CHST11: variants seen among roughly 807,000 people sequenced by gnomAD.
CHST11 encodes the protein carbohydrate sulfotransferase 11.
CHST11 carries 9 observed loss-of-function variants against 30.4 expected under a neutral mutation model. The ratio of observed to expected loss-of-function variants is 0.30; its 90% CI spans 0.18 to 0.52. The LOEUF (loss-of-function observed/expected upper bound fraction) is 0.52, where lower values mean the gene tolerates loss of function less well. Among genes scored for constraint, CHST11 ranks in the 20% least tolerant of loss-of-function variants. The probability of loss-of-function intolerance (pLI) is 0.97; values close to 1 mark genes in which losing one functional copy is unlikely to be tolerated. For missense variants in CHST11, 348 were observed against 460.6 expected (o/e 0.76, Z 2.24); for synonymous variants, 152 against 187.8 (o/e 0.81, Z 1.56).
chr12:104,637,862 A>C (rs1442738329), intron 2 of CHST11, among the ~76,000 whole-genome samples: 1 of 150,228 alleles, frequency 6.7e-6, no homozygotes, highest in African/African-American at 2.5e-5. Flanking sequence ...CCTTTGCCGC[A>C]CCCCCCCACC....
chr12:104,749,522 C>T (rs2040413916), intron 2 of CHST11, among the ~76,000 whole-genome samples: 1 of 152,192 alleles, frequency 6.6e-6, no homozygotes, highest in African/African-American at 2.4e-5. Context: ...GATCTCACAG[C>T]TCAGATAATT....
intron 1 of CHST11, among the ~76,000 whole-genome samples, chr12:104,487,789 A>T (rs1485067144): frequency 6.6e-6 from 1 of 151,816 alleles, no homozygotes; most frequent in Non-Finnish European, 1.5e-5. Context: ...GTATCATTTA[A>T]TTATTTGTAT....
intron 2 of CHST11, among the ~76,000 whole-genome samples, chr12:104,710,791 C>T (rs1293429287): frequency 1.3e-5 from 2 of 152,236 alleles, no homozygotes; most frequent in Non-Finnish European, 2.9e-5. Flanking sequence ...TCCCAGGCTT[C>T]TCCCATAGGT....
rs2038246105 is a variant in CHST11, at chr12:104,537,323, G to A, written c.119-64583G>A. Among the ~76,000 whole-genome samples the A allele has an allele frequency of 2.0e-5, 3 of 152,182 alleles. No homozygotes were observed. The South Asian group carries it at 6.2e-4, about 32-fold the overall frequency. ...GCTATCCATAGAAACAGCTGACCAG[G>A]CAGGTGCCCAGCATTGAATTAGCAT... On this transcript the variant is annotated intron_variant, in intron 1 of 2. Coordinates refer to ENST00000303694, the MANE Select transcript of CHST11 (RefSeq NM_018413.6).
rs1006980824 is a variant in CHST11 at position 104,709,072 on chromosome 12, G to A, written c.205-47877G>A. On this transcript the variant is annotated intron_variant, in intron 2 of 2. Transcript: ENST00000303694. ...GAGGAGGAGCAAAGCACCAAGACCCGGTTTCGGCTTTACATTTGCCTTCAG... is the reference window on the plus strand; with the variant it reads ...GAGGAGGAGCAAAGCACCAAGACCCAGTTTCGGCTTTACATTTGCCTTCAG... Among the ~76,000 whole-genome samples the A allele has an allele frequency of 9.8e-5, 15 of 152,292 alleles. No homozygotes were observed. The Middle Eastern group carries it at 0.014, about 138-fold the overall frequency.
At chr12:104,673,283 A>T (rs1252147944) in intron 2 of CHST11, among the ~76,000 whole-genome samples, 1 of 152,146 alleles carries the variant, frequency 6.6e-6, no homozygotes, top group Non-Finnish European at 1.5e-5. Flanking sequence ...TTGGATGTGG[A>T]CCTATCTTTT....
chr12:104,641,693 G>T (rs1331216280), intron 2 of CHST11, among the ~76,000 whole-genome samples: 1 of 152,168 alleles, frequency 6.6e-6, no homozygotes, highest in East Asian at 1.9e-4. Context: ...GCTCAAAAAA[G>T]AGAATCTATT....
At chr12:104,677,067 G>A (rs775261711) in intron 2 of CHST11, among the ~76,000 whole-genome samples, 12 of 152,152 alleles carry the variant, frequency 7.9e-5, no homozygotes, top group Non-Finnish European at 1.5e-4. Flanking sequence ...CTCATCTGAA[G>A]AATAGAGTTT....
chr12:104,606,040 T>G (rs1181146658), intron 2 of CHST11, among the ~76,000 whole-genome samples: 2 of 152,028 alleles, frequency 1.3e-5, no homozygotes, highest in South Asian at 2.1e-4. Context: ...CACAGGGCTG[T>G]CCGTGAATTT....
At chr12:104,651,002 A>T (rs1483840228) in intron 2 of CHST11, among the ~76,000 whole-genome samples, 1 of 152,224 alleles carries the variant, frequency 6.6e-6, no homozygotes, top group Non-Finnish European at 1.5e-5. Flanking sequence ...AGAGCTTAGC[A>T]CATAGTATTT....
At chr12:104,740,407 T>G (rs1035286943) in intron 2 of CHST11, among the ~76,000 whole-genome samples, 1 of 152,174 alleles carries the variant, frequency 6.6e-6, no homozygotes, top group Non-Finnish European at 1.5e-5. Flanking sequence ...TGCCCTGGAA[T>G]CCATCCCTGC....
intron 1 of CHST11, among the ~76,000 whole-genome samples, chr12:104,484,641 G>T (rs578183137): frequency 6.6e-6 from 1 of 152,306 alleles, no homozygotes; most frequent in South Asian, 2.1e-4. Flanking sequence ...CATTGTAAGT[G>T]GTCAGTGATA....
intron 2 of CHST11, among the ~76,000 whole-genome samples, chr12:104,608,021 T>TG (rs2136051308): frequency 6.6e-6 from 1 of 152,264 alleles, no homozygotes; most frequent in South Asian, 2.1e-4. Flanking sequence ...AGGACCACTC[T>TG]GGGAGCTTTT....
intron 1 of CHST11, among the ~76,000 whole-genome samples, chr12:104,588,020 C>A (rs2038822975): frequency 6.6e-6 from 1 of 151,554 alleles, no homozygotes; most frequent in South Asian, 2.1e-4. Context: ...TTCAAAGAGG[C>A]CAAAATCTTG....
intron 1 of CHST11, among the ~76,000 whole-genome samples, chr12:104,579,302 A>G (rs974273346): frequency 2.2e-4 from 33 of 152,224 alleles, no homozygotes; most frequent in African/African-American, 7.7e-4. Flanking sequence ...CTTGGGTCCA[A>G]TTTACCTGGG....
At chr12:104,709,803 A>G (rs2040070623) in intron 2 of CHST11, among the ~76,000 whole-genome samples, 1 of 152,208 alleles carries the variant, frequency 6.6e-6, no homozygotes, top group African/African-American at 2.4e-5. Flanking sequence ...GGTGGGTACA[A>G]GGTTTCTTTT....
intron 1 of CHST11, among the ~76,000 whole-genome samples, chr12:104,500,766 G>C (rs2037845781): frequency 6.6e-6 from 1 of 152,156 alleles, no homozygotes. Flanking sequence ...TTTGGTGTGG[G>C]GTGTGTCCAC....
intron 1 of CHST11, among the ~76,000 whole-genome samples, chr12:104,513,133 G>C (rs2037984513): frequency 9.3e-6 from 1 of 107,600 alleles, no homozygotes; most frequent in Non-Finnish European, 1.9e-5. Flanking sequence ...TGGGGGGGGG[G>C]GGGGTTGGGG....
At chr12:104,564,321 C>T (rs1349096602) in intron 1 of CHST11, among the ~76,000 whole-genome samples, 2 of 152,084 alleles carry the variant, frequency 1.3e-5, no homozygotes, top group African/African-American at 4.8e-5. Context: ...GGCTCCCAGT[C>T]TGGGACAGTG....
Sources: allele counts gnomAD v4.1 joint callset (sites outside exome capture counted in the v4.1 genomes callset), GRCh38; gene constraint gnomAD v4.1.1; transcripts MANE v1.5; gene names NCBI Gene and HGNC (gene_info 2026-07-23, HGNC 2026-07-21).